The following NRG1 variants were observed in gnomAD, a reference collection of about 807,000 sequenced individuals.
NRG1 encodes the protein neuregulin 1.
In NRG1, 18 loss-of-function variants were observed where a neutral mutation model predicts 63.8. The observed-to-expected ratio is 0.28, with a 90% CI of 0.19 to 0.42. The LOEUF is 0.42. Ranked by LOEUF, NRG1 falls within the 10% of genes least tolerant of loss-of-function variation. NRG1 has a pLI of 1.00. For synonymous variants in NRG1, 302 were observed against 301.3 expected, an observed-to-expected ratio of 1.00 and a Z score of -0.02; for missense variants, 762 against 814.7, an observed-to-expected ratio of 0.94 and a Z score of 0.79.
rs181575120 is a variant in NRG1 at position 32,425,658 on chromosome 8, A to G, written c.38-170170A>G. Among the ~76,000 whole-genome samples the G allele has an allele frequency of 1.4e-3, 217 of 152,312 alleles. 1 individual carries two copies. Among genetic ancestry groups the G allele is most frequent in the African/African-American group, 5.0e-3 (209 of 41,572 alleles). ...ATATTGCCCACAGAGCTGAAAACAT[A>G]TGTACATCTAACCCTTTGCAGGAAA... On this transcript the variant is annotated intron_variant, in intron 1 of 10. Coordinates refer to the NRG1 transcript ENST00000519301.
At chr8:32,130,599 A>G (rs941266484) in intron 1 of NRG1, among the ~76,000 whole-genome samples, 12 of 151,950 alleles carry the variant, frequency 7.9e-5, no homozygotes, top group Non-Finnish European at 1.8e-4. Context: ...ATTATCTTTC[A>G]GATTGGTGGG....
intron 1 of NRG1, among the ~76,000 whole-genome samples, chr8:32,424,134 C>G (rs1457607739): frequency 6.6e-6 from 1 of 152,148 alleles, no homozygotes; most frequent in East Asian, 1.9e-4. Flanking sequence ...ACTCGGGTTT[C>G]TCAAACTCTT....
At chr8:31,792,577 T>C (rs1586449208) in intron 1 of NRG1, among the ~76,000 whole-genome samples, 1 of 152,374 alleles carries the variant, frequency 6.6e-6, no homozygotes, top group East Asian at 1.9e-4. Context: ...AATAGATTAG[T>C]AAAAATTTAA....
intron 1 of NRG1, among the ~76,000 whole-genome samples, chr8:31,991,360 T>A (rs1320318600): frequency 3.2e-5 from 3 of 92,530 alleles, no homozygotes; most frequent in Non-Finnish European, 8.1e-5. Context: ...TTTTCTTCTT[T>A]CTTTCCTCCT....
chr8:32,340,397 G>A (rs1685101), intron 1 of NRG1, among the ~76,000 whole-genome samples: 20,038 of 152,060 alleles, frequency 0.13, 1,992 homozygotes, highest in East Asian at 0.59. Flanking sequence ...ACAGCCTCCT[G>A]TGTCTCATCC....
chr8:32,645,953 G>A (rs746142877), intron 5 of NRG1, among the ~76,000 whole-genome samples: 1 of 152,150 alleles, frequency 6.6e-6, no homozygotes, highest in East Asian at 1.9e-4. Flanking sequence ...AACCCAAAAG[G>A]CATGCTCTCA....
intron 1 of NRG1, among the ~76,000 whole-genome samples, chr8:32,088,304 C>T (rs1000355641): frequency 6.6e-6 from 1 of 152,130 alleles, no homozygotes; most frequent in African/African-American, 2.4e-5. Context: ...CAACAAGTAT[C>T]TGTTGATGGA....
In NRG1 at chr8:32,155,169, G is replaced by GAA. The variant is rs74723634; in HGVS notation, c.38-440651_38-440650dup. Among the ~76,000 whole-genome samples, 5 of 149,990 alleles carry GAA rather than the reference G, an allele frequency of 3.3e-5. No homozygotes were observed. The East Asian group carries it at 9.8e-4, about 29-fold the overall frequency. ...TGAAACTCAGTAAATGCACTGGAGT[G>GAA]AAAAAAAAATGTGAGACTAAGAGTC... On this transcript the variant is annotated intron_variant, in intron 1 of 10. Transcript: ENST00000519301.
At chr8:32,310,798 C>T (rs971069617) in intron 1 of NRG1, among the ~76,000 whole-genome samples, 6 of 152,196 alleles carry the variant, frequency 3.9e-5, no homozygotes, top group African/African-American at 1.4e-4. Flanking sequence ...CCAAGGTTCT[C>T]CATGACACAT....
chr8:32,312,498 C>A lies in NRG1; in HGVS notation c.38-283330C>A, dbSNP rs1399197146. On this transcript the variant is annotated intron_variant, in intron 1 of 10. Coordinates refer to the NRG1 transcript ENST00000519301. ...CCCTGTGACTTTTTCTCAAGGGCTTCAAACAGTCCCTCTGCAAGTTAACCT... is the reference window on the plus strand; with the variant it reads ...CCCTGTGACTTTTTCTCAAGGGCTTAAAACAGTCCCTCTGCAAGTTAACCT... Among the ~76,000 whole-genome samples the A allele has an allele frequency of 2.6e-5, 4 of 151,872 alleles. No homozygotes were observed. The East Asian group carries it at 7.8e-4, about 30-fold the overall frequency.
At chr8:31,934,338 T>A (rs942339066) in intron 1 of NRG1, among the ~76,000 whole-genome samples, 18 of 150,740 alleles carry the variant, frequency 1.2e-4, no homozygotes, top group African/African-American at 4.4e-4. Context: ...TGTGTATATA[T>A]ACATATATAT....
intron 1 of NRG1, among the ~76,000 whole-genome samples, chr8:32,536,748 C>A (rs866863123): frequency 2.0e-5 from 3 of 151,164 alleles, no homozygotes; most frequent in African/African-American, 7.3e-5. Flanking sequence ...CGGTGAAACC[C>A]CTTCTCTACT....
At chr8:32,428,620 G>T (rs1204876834) in intron 1 of NRG1, among the ~76,000 whole-genome samples, 2 of 152,186 alleles carry the variant, frequency 1.3e-5, no homozygotes, top group Admixed American at 1.3e-4. Flanking sequence ...TTAGCTGCTG[G>T]TTGTCCTCCA....
intron 1 of NRG1, among the ~76,000 whole-genome samples, chr8:32,356,485 ACC>A (rs202115951): frequency 1.3e-5 from 1 of 75,484 alleles, no homozygotes; most frequent in East Asian, 5.2e-4. Context: ...CCCCCCCCCC[ACC>A]CGCCGGGCCC....
chr8:31,678,503 GT>G (rs894450246), intron 1 of NRG1, among the ~76,000 whole-genome samples: 1 of 151,752 alleles, frequency 6.6e-6, no homozygotes, highest in African/African-American at 2.4e-5. Context: ...ATGTGCTTTA[GT>G]TTTTTCCTCT....
At chr8:32,715,014 C>G (rs1282353540) in intron 5 of NRG1, among the ~76,000 whole-genome samples, 1 of 152,136 alleles carries the variant, frequency 6.6e-6, no homozygotes, top group Non-Finnish European at 1.5e-5. Context: ...TGCTCTGTTG[C>G]CCAGGCTGGA....
At chr8:32,510,514 AT>A (rs1206135134) in intron 1 of NRG1, among the ~76,000 whole-genome samples, 1 of 152,160 alleles carries the variant, frequency 6.6e-6, no homozygotes, top group African/African-American at 2.4e-5. Context: ...TGCTAAAGAA[AT>A]AAAAAAGTAC....
intron 1 of NRG1, among the ~76,000 whole-genome samples, chr8:32,119,794 C>T (rs1833200177): frequency 6.6e-6 from 1 of 152,000 alleles, no homozygotes; most frequent in Admixed American, 6.6e-5. Context: ...AGGAGAACTA[C>T]CCTAACAATC....
intron 1 of NRG1, among the ~76,000 whole-genome samples, chr8:32,462,595 C>CTTTTTTTTTTTT (rs58485445): frequency 2.8e-5 from 2 of 72,276 alleles, no homozygotes; most frequent in African/African-American, 5.2e-5. Context: ...CACACTGATT[C>CTTTTTTTTTTTT]TTTTTTTTTT....
Sources: allele counts gnomAD v4.1 joint callset (sites outside exome capture counted in the v4.1 genomes callset), GRCh38; gene constraint gnomAD v4.1.1; transcripts MANE v1.5; gene names NCBI Gene and HGNC (gene_info 2026-07-23, HGNC 2026-07-21).